WDR4: variants seen among roughly 807,000 people sequenced by gnomAD.
The protein encoded by WDR4 is WDR4 tRNA N7-guanosine methyltransferase non-catalytic subunit, also known as tRNA (guanine-N(7)-)-methyltransferase non-catalytic subunit WDR4.
A neutral mutation model predicts 48.6 loss-of-function variants in WDR4; 47 were observed. The ratio of observed to expected loss-of-function variants is 0.97; its 90% CI spans 0.77 to 1.23. WDR4 has a LOEUF of 1.23. Ranked by LOEUF, WDR4 falls within the 50% of genes most tolerant of loss-of-function variation. The pLI, the probability that WDR4 is intolerant of heterozygous loss-of-function variation, is 0.00. For synonymous variants in WDR4, 268 were observed against 230.0 expected, an observed-to-expected ratio of 1.17 and a Z score of -1.49; for missense variants, 606 against 551.6, an observed-to-expected ratio of 1.10 and a Z score of -0.99.
At chr21:42,883,970 C>A (rs576429354), upstream of WDR4, among the ~76,000 whole-genome samples, 2 of 152,268 alleles carry the variant, frequency 1.3e-5, no homozygotes, top group South Asian at 2.1e-4. Flanking sequence ...TCACCCTCCC[C>A]ATAAACCCCT....
chr21:42,850,936 C>G (rs1051473190), intron 10 of WDR4, among the ~76,000 whole-genome samples: 4 of 152,204 alleles, frequency 2.6e-5, no homozygotes, highest in Non-Finnish European at 1.5e-5. Flanking sequence ...AACCCGCGCA[C>G]CAGCGACTGC....
intron 3 of WDR4, 135 bp downstream of exon 3, chr21:42,873,416 T>C: frequency 1.6e-6 from 2 of 1,248,490 alleles, no homozygotes; most frequent in Non-Finnish European, 2.3e-6. Context: ...CTGAAAGTGG[T>C]GTCTGGCACT....
chr21:42,849,038 A>C (rs1156790543), downstream of WDR4, among the ~76,000 whole-genome samples: 1 of 140,388 alleles, frequency 7.1e-6, no homozygotes, highest in African/African-American at 2.7e-5. Flanking sequence ...TCACACACAC[A>C]GCGCACGATC....
chr21:42,878,024 G>A (rs1183972470), intron 1 of WDR4, among the ~76,000 whole-genome samples: 3 of 123,056 alleles, frequency 2.4e-5, no homozygotes, highest in African/African-American at 9.9e-5. Flanking sequence ...CAGCCTGGGC[G>A]ACAAAGCGAG....
the WDR4 span, among the ~76,000 whole-genome samples, chr21:42,891,284 C>T: frequency 4.0e-5 from 6 of 150,908 alleles, no homozygotes; most frequent in Non-Finnish European, 5.9e-5. Flanking sequence ...ATTGCCCCTG[C>T]GCCACTGCAC....
chr21:42,862,423 A>T lies in WDR4; in HGVS notation c.454-29T>A. 1 of 1,561,470 alleles carries T rather than the reference A, an allele frequency of 6.4e-7. No homozygotes were observed. The highest frequency in any genetic ancestry group is 1.2e-5 in the South Asian group (1 of 85,636). ...CATCACCAGGGGCCAGAAAAGAAAAAGCCGCTCACCTGAGTCTTCCCGAAT... is the reference window on the plus strand; with the variant it reads ...CATCACCAGGGGCCAGAAAAGAAAATGCCGCTCACCTGAGTCTTCCCGAAT... On this transcript the variant is annotated intron_variant, in intron 4 of 10. Coordinates refer to ENST00000398208, the MANE Select transcript of WDR4 (RefSeq NM_018669.6). The surrounding 1 kb of genome is among the most constrained non-coding windows in gnomAD (Gnocchi z 4.3).
chr21:42,882,437 C>T (rs2058615827), upstream of WDR4, among the ~76,000 whole-genome samples: 1 of 149,746 alleles, frequency 6.7e-6, no homozygotes, highest in Admixed American at 6.7e-5. Flanking sequence ...GTGGCATGCA[C>T]CTGTAATCCC....
intron 3 of WDR4, among the ~76,000 whole-genome samples, chr21:42,863,847 C>G (rs1350448638): frequency 1.3e-5 from 2 of 149,958 alleles, no homozygotes; most frequent in South Asian, 2.1e-4. Flanking sequence ...TGGCTCACAC[C>G]TGTAATCCCA....
chr21:42,869,012 G>A (rs958815266), intron 3 of WDR4, among the ~76,000 whole-genome samples: 1 of 152,208 alleles, frequency 6.6e-6, no homozygotes, highest in African/African-American at 2.4e-5. Context: ...GCCCTGGCGG[G>A]GGGGAACAGG....
rs376395165 is a variant in WDR4, at chr21:42,876,659, G to A, written c.155+43C>T. On this transcript the variant is annotated intron_variant, in intron 2 of 10. Coordinates refer to ENST00000398208, the MANE Select transcript of WDR4 (RefSeq NM_018669.6). ...TCTTAGACCCTCTGGTCCCATTATCGAACCATTAAAGCAGGCCCTGAAAAA... is the reference window on the plus strand; with the variant it reads ...TCTTAGACCCTCTGGTCCCATTATCAAACCATTAAAGCAGGCCCTGAAAAA... 7.8e-5 allele frequency: 123 copies of A among 1,578,758 alleles called. No individual in the cohort carries two copies. In the East Asian group the frequency reaches 1.1e-3, roughly 15 times the overall value.
chr21:42,887,705 G>A, the WDR4 span, among the ~76,000 whole-genome samples: 1 of 152,166 alleles, frequency 6.6e-6, no homozygotes, highest in Admixed American at 6.5e-5. Context: ...CTGTATAAAA[G>A]TTTTAATAAA....
At chr21:42,885,493 C>G in the WDR4 span, among the ~76,000 whole-genome samples, 9 of 152,094 alleles carry the variant, frequency 5.9e-5, no homozygotes, top group African/African-American at 1.9e-4. Context: ...GCCTGTAATC[C>G]CAGCTACTCT....
chr21:42,873,517 G>A (rs374479247), intron 3 of WDR4, 34 bp downstream of exon 3: 14 of 1,611,116 alleles, frequency 8.7e-6, no homozygotes, highest in Admixed American at 3.3e-5. Context: ...GTGTGCATTC[G>A]ACATCTTAAG....
intron 4 of WDR4, 114 bp downstream of exon 4, chr21:42,863,326 T>C (rs1203432001): frequency 7.6e-7 from 1 of 1,315,176 alleles, no homozygotes; most frequent in Non-Finnish European, 1.1e-6. Context: ...CATGGACAGG[T>C]GCCTGAGCCT....
At chr21:42,871,184 A>C (rs1386987231) in intron 3 of WDR4, among the ~76,000 whole-genome samples, 1 of 152,166 alleles carries the variant, frequency 6.6e-6, no homozygotes, top group African/African-American at 2.4e-5. Context: ...CCTCAGAGGA[A>C]CCAGCCCTGT....
intron 5 of WDR4, among the ~76,000 whole-genome samples, chr21:42,861,633 G>T (rs765940009): frequency 3.2e-4 from 48 of 152,174 alleles, no homozygotes; most frequent in Non-Finnish European, 6.6e-4. Flanking sequence ...ACACACCAGT[G>T]ACTGGCCTTC....
intron 5 of WDR4, among the ~76,000 whole-genome samples, chr21:42,860,687 C>T (rs1234528836): frequency 2.0e-5 from 3 of 152,286 alleles, no homozygotes; most frequent in Non-Finnish European, 4.4e-5. Flanking sequence ...GTGCAGAGGG[C>T]ACGAGTGGCC....
chr21:42,848,570 C>T (rs1217762101), downstream of WDR4, among the ~76,000 whole-genome samples: 1 of 62,030 alleles, frequency 1.6e-5, no homozygotes, highest in Non-Finnish European at 2.8e-5. Context: ...GATCACGCGG[C>T]GCGCACCTCA....
At chr21:42,882,682 G>A (rs922726229), upstream of WDR4, among the ~76,000 whole-genome samples, 1 of 152,128 alleles carries the variant, frequency 6.6e-6, no homozygotes, top group Non-Finnish European at 1.5e-5. Flanking sequence ...GGGCAAAAAG[G>A]CCAGGCACGG....
Sources: gnomAD v4.1 joint callset for allele counts (sites outside exome capture counted in the v4.1 genomes callset) on GRCh38, gnomAD v4.1.1 for gene constraint, Gnocchi (gnomAD v3.1) non-coding constraint, MANE v1.5 for transcripts, NCBI Gene and HGNC (gene_info 2026-07-23, HGNC 2026-07-21) for gene names.